The following CUX1 variants were observed in gnomAD, a reference collection of about 807,000 sequenced individuals.
CUX1 encodes cut like homeobox 1.
CUX1 carries 31 observed loss-of-function variants against 158.8 expected under a neutral mutation model. The ratio of observed to expected loss-of-function variants is 0.20; its 90% CI spans 0.15 to 0.26. The LOEUF is 0.26. CUX1 is among the 10% of genes least tolerant of loss of function. CUX1 has a pLI of 1.00. For synonymous variants in CUX1, 879 were observed against 862.1 expected, an observed-to-expected ratio of 1.02 and a Z score of -0.34; for missense variants, 1,589 against 2,014.6, an observed-to-expected ratio of 0.79 and a Z score of 4.04.
At chr7:101,972,599 T>A (rs1366600467) in intron 2 of CUX1, among the ~76,000 whole-genome samples, 1 of 152,210 alleles carries the variant, frequency 6.6e-6, no homozygotes, top group Non-Finnish European at 1.5e-5. Context: ...TTTTTGTCTC[T>A]GCTGGTGGCC....
intron 3 of CUX1, among the ~76,000 whole-genome samples, chr7:102,037,043 T>C (rs933418058): frequency 4.6e-5 from 7 of 152,148 alleles, no homozygotes; most frequent in South Asian, 2.1e-4. Context: ...CTTACAAAAA[T>C]TAGCTGGGTG....
chr7:102,234,382 G>A, intron 22 of CUX1, 142 bp downstream of exon 22: 2 of 674,004 alleles, frequency 3.0e-6, no homozygotes, highest in Non-Finnish European at 4.3e-6. Context: ...ATTTTTGGAT[G>A]GTCATCAGCT....
chr7:101,819,255 C>A (rs1562880875), intron 1 of CUX1, among the ~76,000 whole-genome samples: 1 of 152,138 alleles, frequency 6.6e-6, no homozygotes, highest in Admixed American at 6.5e-5. Context: ...ATAAGAAAAG[C>A]ACTGTTGTAT....
chr7:102,234,658 G>T (rs957958043), intron 22 of CUX1, among the ~76,000 whole-genome samples: 1 of 151,418 alleles, frequency 6.6e-6, no homozygotes. Context: ...GGCGGCTCAC[G>T]CCTGTAATCT....
chr7:102,040,930 C>G (rs575707275), intron 3 of CUX1, among the ~76,000 whole-genome samples: 4 of 152,180 alleles, frequency 2.6e-5, no homozygotes, highest in Non-Finnish European at 5.9e-5. Context: ...TGGAGCAGTA[C>G]TTTGGTTGAC....
chr7:102,281,872 C>G (rs1554549356), exon 21 of CUX1: 2 of 1,613,486 alleles, frequency 1.2e-6, no homozygotes. Context: ...AGATGGCGCG[C>G]ACCATCGGCT....
At chr7:102,157,937 G>T (rs1789958554) in intron 8 of CUX1, among the ~76,000 whole-genome samples, 1 of 152,148 alleles carries the variant, frequency 6.6e-6, no homozygotes, top group Admixed American at 6.5e-5. Context: ...ACCAGGCTGG[G>T]CCATAGCAAT....
At position 102,250,069 on chromosome 7, in the gene CUX1, A is replaced by G. The variant is rs1159826213; in HGVS notation, c.*1027A>G. 1.3e-5 allele frequency: 13 copies of G among 985,134 alleles called. No homozygotes were observed. Among genetic ancestry groups the G allele is most frequent in the Admixed American group, 6.2e-5 (1 of 16,260 alleles). 61.0% of individuals were successfully genotyped at this position (985,134 alleles called of 1,614,324 possible). A position where few individuals can be genotyped will look rare whatever the true frequency, so the allele number is the denominator to read the frequency against. ...AAAAAAAAGAAAAAAAAAGAAAAAAAAAAAAGAAAAGATCCGAATCTAGGT... is the reference window on the plus strand; with the variant it reads ...AAAAAAAAGAAAAAAAAAGAAAAAAGAAAAAGAAAAGATCCGAATCTAGGT... On this transcript the variant is annotated 3_prime_UTR_variant, in exon 24 of 24. Coordinates refer to ENST00000292535, the MANE Select transcript of CUX1 (RefSeq NM_181552.4).
intron 14 of CUX1, among the ~76,000 whole-genome samples, chr7:102,267,685 G>A (rs759065094): frequency 7.2e-5 from 11 of 152,164 alleles, no homozygotes; most frequent in Non-Finnish European, 1.2e-4. Context: ...GGTGCAGAGA[G>A]GGACAGGGTC....
intron 22 of CUX1, among the ~76,000 whole-genome samples, chr7:102,234,714 G>A (rs1248587023): frequency 6.8e-6 from 1 of 147,244 alleles, no homozygotes; most frequent in African/African-American, 2.5e-5. Context: ...GAGGTCAGGA[G>A]TTCAAGACCA....
At chr7:102,015,352 C>T (rs1215237145) in intron 2 of CUX1, among the ~76,000 whole-genome samples, 1 of 152,050 alleles carries the variant, frequency 6.6e-6, no homozygotes, top group Admixed American at 6.6e-5. Context: ...CTCAGCCTCC[C>T]AAGTAGCTTG....
At chr7:101,831,097 A>G (rs534200310) in intron 1 of CUX1, among the ~76,000 whole-genome samples, 1 of 152,128 alleles carries the variant, frequency 6.6e-6, no homozygotes, top group African/African-American at 2.4e-5. Flanking sequence ...GAGGTGTCCA[A>G]TGGCAGCGGG....
chr7:102,244,223 T>C (rs546523300), intron 23 of CUX1, among the ~76,000 whole-genome samples: 3 of 152,198 alleles, frequency 2.0e-5, no homozygotes, highest in Admixed American at 2.0e-4. Context: ...AAGAACGTAG[T>C]TTTTTACGTT....
intron 3 of CUX1, among the ~76,000 whole-genome samples, chr7:102,043,265 G>C (rs1431681474): frequency 6.6e-6 from 1 of 150,776 alleles, no homozygotes; most frequent in Non-Finnish European, 1.5e-5. Context: ...GTGATGTTTT[G>C]ATACATGCAT....
intron 2 of CUX1, among the ~76,000 whole-genome samples, chr7:102,018,731 C>T (rs984743252): frequency 8.1e-6 from 1 of 123,632 alleles, no homozygotes; most frequent in Admixed American, 7.5e-5. Context: ...CTCCGGAGAG[C>T]TTGAGTGCGT....
At chr7:101,824,088 C>G (rs558405328) in intron 1 of CUX1, among the ~76,000 whole-genome samples, 2 of 152,132 alleles carry the variant, frequency 1.3e-5, no homozygotes, top group Non-Finnish European at 2.9e-5. Context: ...AATATCAACT[C>G]TTTTTATTTT....
chr7:101,961,959 A>G (rs1810555353), intron 2 of CUX1: 1 of 152,130 alleles, frequency 6.6e-6, no homozygotes, highest in African/African-American at 2.4e-5. Context: ...GGAAGTATAT[A>G]TACAGTATTA....
rs559498859 is a variant in CUX1 at position 102,231,111 on chromosome 7, T to G, written c.3434-2941T>G. On this transcript the variant is annotated intron_variant, in intron 21 of 23. Transcript: ENST00000292535. ...GTGGCGCGATCTCGGCTTACTGCAA[T>G]CTCCGCCTCCCAGGTTCACGCCATT... is the stretch of plus-strand genomic sequence containing the variant. 4.1e-4 allele frequency among the ~76,000 whole-genome samples: 61 copies of G among 147,388 alleles called. No individual in the cohort carries two copies. In the East Asian group the frequency reaches 0.011, roughly 27 times the overall value.
chr7:101,998,015 C>T (rs1199708444), intron 2 of CUX1, among the ~76,000 whole-genome samples: 2 of 152,196 alleles, frequency 1.3e-5, no homozygotes, highest in Non-Finnish European at 2.9e-5. Flanking sequence ...CAGCTCAGTG[C>T]CTGTATCTTA....
Sources: gnomAD v4.1 joint callset for allele counts (sites outside exome capture counted in the v4.1 genomes callset) on GRCh38, gnomAD v4.1.1 for gene constraint, MANE v1.5 for transcripts, NCBI Gene and HGNC (gene_info 2026-07-23, HGNC 2026-07-21) for gene names.